SNAPC5: variants seen among roughly 807,000 people sequenced by gnomAD.
SNAPC5 encodes small nuclear RNA activating complex polypeptide 5.
SNAPC5 carries 12 observed loss-of-function variants against 9.1 expected under a neutral mutation model. The observed-to-expected ratio is 1.32, with a 90% CI of 0.85 to 2.15. SNAPC5 has a LOEUF of 2.15. Among genes scored for constraint, SNAPC5 ranks in the 30% most tolerant of loss-of-function variants. SNAPC5 has a pLI of 0.00. For synonymous variants in SNAPC5, 52 were observed against 47.3 expected (o/e 1.10, Z -0.41); for missense variants, 132 against 114.4 (o/e 1.15, Z -0.70).
downstream of SNAPC5, chr15:66,490,618 G>A: frequency 6.2e-7 from 1 of 1,613,338 alleles, no homozygotes; most frequent in Non-Finnish European, 8.5e-7. Flanking sequence ...GCGTCTAAGT[G>A]TTTGGGAAGC....
chr15:66,492,630 G>A (rs2140693153), downstream of SNAPC5, among the ~76,000 whole-genome samples: 1 of 151,942 alleles, frequency 6.6e-6, no homozygotes, highest in Admixed American at 6.6e-5. Flanking sequence ...GTTATAACCT[G>A]GTATCTAAAA....
At position 66,494,041 on chromosome 15, in the gene SNAPC5, C is replaced by T. The variant is rs910995510; in HGVS notation, c.*395G>A. ...TCACAAGGGTTCAGCGGCATGCAAA[C>T]AGTCTTTAATTGGTTTTCTTCAAAG... On this transcript the variant is annotated 3_prime_UTR_variant, in exon 3 of 3. Transcript: ENST00000316634. 1.0e-5 allele frequency: 2 copies of T among 192,662 alleles called. No homozygotes were observed. Among genetic ancestry groups the T allele is most frequent in the South Asian group, 9.4e-5 (1 of 10,590 alleles). 11.9% of individuals were successfully genotyped at this position (192,662 alleles called of 1,614,324 possible).
chr15:66,495,391 A>T lies in SNAPC5; in HGVS notation c.119T>A (p.Ile40Asn). Residue 40 changes from isoleucine to asparagine, a missense_variant, in exon 2 of 3, where the codon ATC becomes AAC. Coordinates refer to ENST00000316634, the MANE Select transcript of SNAPC5 (RefSeq NM_001329615.2). Reference protein sequence around the residue: ...KVEELALQSMISSRRGDEMLS... With the variant: ...KVEELALQSMNSSRRGDEMLS... The stretch of plus-strand genomic sequence containing the variant: ...CATCTCATCCCCTCTTCTAGAACTG[A>T]TCATTGATTGGAGGGCTAATTCTTC... 1 of 1,607,026 alleles carries T rather than the reference A, an allele frequency of 6.2e-7. No homozygotes were observed. The highest frequency in any genetic ancestry group is 8.5e-7 in the Non-Finnish European group (1 of 1,173,474).
At chr15:66,492,019 T>C (rs1320764896), downstream of SNAPC5, 5 of 456,582 alleles carry the variant, frequency 1.1e-5, no homozygotes, top group East Asian at 6.9e-5. Flanking sequence ...GGGAGCTTTC[T>C]GCACAACATA....
At chr15:66,489,788 T>TA (rs1449147707), downstream of SNAPC5, 5 of 1,590,078 alleles carry the variant, frequency 3.1e-6, no homozygotes, top group Non-Finnish European at 3.5e-6. Flanking sequence ...TCCGGATTCT[T>TA]ACAGTACCTG....
downstream of SNAPC5, chr15:66,489,877 G>A: frequency 3.3e-6 from 3 of 916,926 alleles, no homozygotes; most frequent in Non-Finnish European, 5.4e-6. Flanking sequence ...CTGTGGTCCA[G>A]CTGAGCCTGG....
downstream of SNAPC5, chr15:66,490,440 C>A: frequency 1.6e-6 from 2 of 1,217,608 alleles, no homozygotes; most frequent in East Asian, 2.3e-5. Flanking sequence ...ATTTTCCTTC[C>A]TGGTGGGTTT....
downstream of SNAPC5, chr15:66,490,278 T>C (rs1489628958): frequency 1.5e-6 from 1 of 672,988 alleles, no homozygotes; most frequent in Non-Finnish European, 2.7e-6. Flanking sequence ...ACTGCACGAG[T>C]AGGCTCCAAG....
At position 66,494,460 on chromosome 15, in the gene SNAPC5, T is replaced by TTCC. The variant is rs749272921; in HGVS notation, c.270_272dup (p.Glu95dup). On this transcript the variant is annotated inframe_insertion, in exon 3 of 3. Coordinates refer to ENST00000316634, the MANE Select transcript of SNAPC5 (RefSeq NM_001329615.2). ...TTTAGGAATCTGATTCTTCTTCCTCTTCCTCCTCCTCCTCTTCCGTCACAT... is the reference window on the plus strand; with the variant it reads ...TTTAGGAATCTGATTCTTCTTCCTCTTCCTCCTCCTCCTCCTCTTCCGTCACAT... 4.1e-5 allele frequency: 66 copies of TTCC among 1,612,326 alleles called. No individual in the cohort carries two copies. In the Admixed American group the frequency reaches 1.0e-3, roughly 24 times the overall value.
At chr15:66,490,185 A>G (rs1893201753), downstream of SNAPC5, 2 of 527,452 alleles carry the variant, frequency 3.8e-6, no homozygotes, top group African/African-American at 3.8e-5. Flanking sequence ...TGTATATAGT[A>G]TATAATATGC....
intron 1 of SNAPC5, chr15:66,497,404 G>C (rs777615576): frequency 1.3e-5 from 8 of 600,284 alleles, no homozygotes; most frequent in Non-Finnish European, 2.4e-5. Flanking sequence ...ACAGATCCCT[G>C]AGCCTCACCC....
downstream of SNAPC5, chr15:66,492,343 G>C: frequency 4.1e-6 from 1 of 243,754 alleles, no homozygotes; most frequent in South Asian, 4.6e-5. Flanking sequence ...CTTCTAAGTA[G>C]GTAGTCCAAT....
chr15:66,495,800 T>C (rs1026237892), intron 1 of SNAPC5, among the ~76,000 whole-genome samples: 10 of 152,212 alleles, frequency 6.6e-5, no homozygotes, highest in African/African-American at 2.4e-4. Context: ...GAAAGAAGAA[T>C]AGAAAACAGA....
At chr15:66,489,999 G>C, downstream of SNAPC5, 1 of 599,520 alleles carries the variant, frequency 1.7e-6, no homozygotes, top group African/African-American at 1.9e-5. Flanking sequence ...GCCTGAGGGG[G>C]CCATGGGAAA....
rs747449686 is a variant in SNAPC5, at chr15:66,495,421, T to C, written c.91-2A>G. 1.9e-6 allele frequency: 3 copies of C among 1,571,704 alleles called. No individual in the cohort carries two copies. In the East Asian group the frequency reaches 6.7e-5, roughly 35 times the overall value. ...TGATTGGAGGGCTAATTCTTCAACC[T>C]AGAAAAGAAGAGTTGAGGACACTTT... On this transcript the variant is annotated splice_acceptor_variant, in intron 1 of 2. Transcript: ENST00000316634. LOFTEE classifies it high-confidence loss of function.
At chr15:66,495,488 G>A in intron 1 of SNAPC5, 69 bp from the exon 2 acceptor site, 2 of 850,206 alleles carry the variant, frequency 2.4e-6, no homozygotes, top group Non-Finnish European at 4.1e-6. Context: ...GTAAACTGCT[G>A]GGCACACTAT....
At chr15:66,494,725 C>G (rs1467227137) in intron 2 of SNAPC5, among the ~76,000 whole-genome samples, 173 bp from the exon 3 acceptor site, 2 of 152,222 alleles carry the variant, frequency 1.3e-5, no homozygotes, top group African/African-American at 4.8e-5. Context: ...CAAAATGGGG[C>G]AACAGTAAAT....
intron 2 of SNAPC5, chr15:66,494,972 T>C: frequency 2.9e-6 from 1 of 350,772 alleles, no homozygotes; most frequent in South Asian, 3.1e-5. Context: ...TGCCTTGTAC[T>C]TGAAGCCACA....
chr15:66,491,152 C>G (rs1457883149), downstream of SNAPC5: 4 of 285,646 alleles, frequency 1.4e-5, no homozygotes, highest in Admixed American at 1.9e-4. Flanking sequence ...TCATGTAGAA[C>G]TCAGCAGTTG....
Sources: gnomAD v4.1 joint callset for allele counts (sites outside exome capture counted in the v4.1 genomes callset) on GRCh38, gnomAD v4.1.1 for gene constraint, MANE v1.5 for transcripts, NCBI Gene and HGNC (gene_info 2026-07-23, HGNC 2026-07-21) for gene names.